Variants in PAK2 observed in about 807,000 individuals in gnomAD.
PAK2 encodes p21 (RAC1) activated kinase 2, also known as serine/threonine-protein kinase PAK 2.
In PAK2, 21 loss-of-function variants were observed where a neutral mutation model predicts 65.9. The observed-to-expected ratio is 0.32, with a 90% CI of 0.23 to 0.46. The LOEUF is 0.46. PAK2 is among the 20% of genes least tolerant of loss of function. The probability of loss-of-function intolerance (pLI) is 1.00; values close to 1 mark genes in which losing one functional copy is unlikely to be tolerated. For synonymous variants in PAK2, 204 were observed against 219.7 expected (o/e 0.93, Z 0.63); for missense variants, 324 against 642.6 (o/e 0.50, Z 5.36).
At chr3:196,809,999 C>T (rs1715721547) in intron 7 of PAK2, among the ~76,000 whole-genome samples, 1 of 151,908 alleles carries the variant, frequency 6.6e-6, no homozygotes, top group Non-Finnish European at 1.5e-5. Context: ...TAGTTTATGT[C>T]AGAGCATAGT....
At chr3:196,751,671 A>ATATATATATATATATATATATG in intron 1 of PAK2, among the ~76,000 whole-genome samples, 1 of 27,410 alleles carries the variant, frequency 3.6e-5, no homozygotes, top group East Asian at 4.5e-4. Flanking sequence ...ATTTATTTAT[A>ATATATATATATATATATATATG]TACATATATA....
intron 2 of PAK2, among the ~76,000 whole-genome samples, chr3:196,797,193 G>A (rs747288655): frequency 1.3e-5 from 2 of 152,154 alleles, no homozygotes; most frequent in Admixed American, 6.6e-5. Flanking sequence ...GGCCAGGCAC[G>A]GTGGCTCATA....
intron 1 of PAK2, among the ~76,000 whole-genome samples, chr3:196,761,956 C>T (rs866713642): frequency 0.054 from 6,896 of 127,264 alleles, 206 homozygotes; most frequent in African/African-American, 0.11. Context: ...AGCTGCCGGG[C>T]GGAGGGGCTC....
At chr3:196,803,831 C>T (rs746831301) in intron 4 of PAK2, among the ~76,000 whole-genome samples, 17 of 152,044 alleles carry the variant, frequency 1.1e-4, no homozygotes, top group East Asian at 1.9e-4. Flanking sequence ...TGAGATATAC[C>T]GTTAACCTAT....
At chr3:196,771,876 A>G (rs187820875) in intron 1 of PAK2, among the ~76,000 whole-genome samples, 6 of 152,190 alleles carry the variant, frequency 3.9e-5, no homozygotes, top group South Asian at 2.1e-4. Context: ...CATATTTTCT[A>G]TCTCATTGTC....
At chr3:196,769,836 A>G (rs2108728945) in intron 1 of PAK2, among the ~76,000 whole-genome samples, 1 of 140,686 alleles carries the variant, frequency 7.1e-6, no homozygotes, top group South Asian at 2.3e-4. Context: ...AAAGAAAAAG[A>G]AAAAGAAATT....
Position 196,828,680 on chromosome 3 carries a change from G to A in PAK2, c.*275G>A, listed in dbSNP as rs566174088. 176 of 367,838 alleles carry A rather than the reference G, an allele frequency of 4.8e-4. 1 individual carries two copies. Among genetic ancestry groups the A allele is most frequent in the African/African-American group, 3.3e-3 (151 of 45,984 alleles). The allele number at this position is 367,838 out of a possible 1,614,324, so 22.8% of individuals were successfully genotyped here. A position where few individuals can be genotyped will look rare whatever the true frequency, so the allele number is the denominator to read the frequency against. On this transcript the variant is annotated 3_prime_UTR_variant, in exon 15 of 15. Transcript: ENST00000327134. ...ACAGCCTATCAGGGCCATTTATCATGTGTGAGATTTGCATTTTACTTTGCT... is the reference window on the plus strand; with the variant it reads ...ACAGCCTATCAGGGCCATTTATCATATGTGAGATTTGCATTTTACTTTGCT...
chr3:196,782,878 A>G, intron 2 of PAK2, 45 bp downstream of exon 2: 1 of 1,297,220 alleles, frequency 7.7e-7, no homozygotes, highest in South Asian at 1.3e-5. Context: ...TTGGTTTATT[A>G]TTGTATGTTA....
Position 196,803,157 on chromosome 3 carries a change from T to A in PAK2, c.429T>A (p.Thr143=). ...NTVKQKYLSF[T]PPEKDGFPSG... ...TGAAGCAGAAATATCTGAGCTTTAC[T>A]CCTCCTGGTAAGAGAGTGGCATAAG... The change falls in exon 4 of 15, where the codon ACT becomes ACA. Residue 143 remains threonine (T), a synonymous_variant. Transcript: ENST00000327134. 1 of 1,606,974 alleles carries A rather than the reference T, an allele frequency of 6.2e-7. No individual in the cohort carries two copies. The highest frequency in any genetic ancestry group is 8.5e-7 in the Non-Finnish European group (1 of 1,177,354).
chr3:196,754,724 G>A (rs753985229), intron 1 of PAK2, among the ~76,000 whole-genome samples: 15 of 152,138 alleles, frequency 9.9e-5, no homozygotes, highest in African/African-American at 3.1e-4. Context: ...ACACAGCCCC[G>A]CTGGAACCTT....
At position 196,829,223 on chromosome 3, in the gene PAK2, T is replaced by C. The variant is rs1711984391; in HGVS notation, c.*818T>C. On this transcript the variant is annotated 3_prime_UTR_variant, in exon 15 of 15. Coordinates refer to ENST00000327134, the MANE Select transcript of PAK2 (RefSeq NM_002577.4). ...CTTCTGCCTGTTTCCCCTTCAGGCTTGGCTCTAGGAACCAAAGTGATTTGT... is the reference window on the plus strand; with the variant it reads ...CTTCTGCCTGTTTCCCCTTCAGGCTCGGCTCTAGGAACCAAAGTGATTTGT... 1 of 152,686 alleles carries C rather than the reference T, an allele frequency of 6.5e-6. No individual in the cohort carries two copies. The highest frequency in any genetic ancestry group is 2.1e-4 in the South Asian group (1 of 4,836). 9.5% of individuals were successfully genotyped at this position (152,686 alleles called of 1,614,324 possible).
chr3:196,757,575 TATATAAGA>T (rs1251778607), intron 1 of PAK2, among the ~76,000 whole-genome samples: 1 of 152,030 alleles, frequency 6.6e-6, no homozygotes, highest in African/African-American at 2.4e-5. Flanking sequence ...CTACTTTTAT[TATATAAGA>T]ATAAAAAAAA....
intron 1 of PAK2, among the ~76,000 whole-genome samples, chr3:196,768,528 A>G (rs112692928): frequency 6.0e-5 from 9 of 150,572 alleles, no homozygotes; most frequent in African/African-American, 2.2e-4. Flanking sequence ...ATTTATTTGA[A>G]ACAAGGTCTC....
chr3:196,815,649 T>A (rs745746307), intron 11 of PAK2, among the ~76,000 whole-genome samples: 5 of 151,830 alleles, frequency 3.3e-5, no homozygotes, highest in Non-Finnish European at 7.4e-5. Flanking sequence ...TAGCTGGGTG[T>A]GGTGGTACGC....
In PAK2 at chr3:196,827,296, A is replaced by T. The variant is rs761446581; in HGVS notation, c.1451A>T (p.Asp484Val). The part of the protein sequence containing the change: ...RDFLNRCLEM[D>V]VEKRGSAKEL... ...TTCTTAAATCGATGTTTGGAAATGG[A>T]TGTGGAAAAAAGGGGTTCAGCCAAA... Residue 484 changes from aspartate (D) to valine (V), a missense_variant, in exon 14 of 15, where the codon GAT becomes GTT. By Grantham distance (152) the Asp-to-Val change is radical (BLOSUM62 -3). Transcript: ENST00000327134. 8.1e-5 allele frequency: 130 copies of T among 1,612,396 alleles called. No homozygotes were observed. Among genetic ancestry groups the T allele is most frequent in the Non-Finnish European group, 1.1e-4 (127 of 1,179,136 alleles).
intron 1 of PAK2, among the ~76,000 whole-genome samples, chr3:196,768,117 G>T (rs1714233001): frequency 6.6e-6 from 1 of 151,966 alleles, no homozygotes; most frequent in Admixed American, 6.5e-5. Flanking sequence ...CCTCAGTTCA[G>T]ATCATTATAA....
intron 2 of PAK2, among the ~76,000 whole-genome samples, chr3:196,785,360 T>A (rs1005469621): frequency 5.9e-5 from 9 of 152,204 alleles, no homozygotes; most frequent in Admixed American, 5.2e-4. Flanking sequence ...AGGATTAGAA[T>A]TGCTGGGTTA....
intron 1 of PAK2, among the ~76,000 whole-genome samples, chr3:196,759,833 G>C (rs938544586): frequency 6.6e-6 from 1 of 151,858 alleles, no homozygotes; most frequent in Non-Finnish European, 1.5e-5. Context: ...CCAGTTAAGT[G>C]GGTTTTTTAA....
At chr3:196,769,795 C>G (rs975379317) in intron 1 of PAK2, among the ~76,000 whole-genome samples, 1 of 151,688 alleles carries the variant, frequency 6.6e-6, no homozygotes, top group Non-Finnish European at 1.5e-5. Context: ...CCAGCCTGGG[C>G]GACAGAGCGA....
Sources: allele counts gnomAD v4.1 joint callset (sites outside exome capture counted in the v4.1 genomes callset), GRCh38; gene constraint gnomAD v4.1.1; transcripts MANE v1.5; gene names NCBI Gene and HGNC (gene_info 2026-07-23, HGNC 2026-07-21).